GLTP: variants seen among roughly 807,000 people sequenced by gnomAD.
The protein encoded by GLTP is glycolipid transfer protein.
GLTP carries 22 observed loss-of-function variants against 24.0 expected under a neutral mutation model. That is an observed-to-expected ratio of 0.92 (90% CI 0.65 to 1.31). GLTP has a LOEUF of 1.31. GLTP is among the 50% of genes most tolerant of loss of function. GLTP has a pLI of 0.00. For synonymous variants in GLTP, 92 were observed against 115.9 expected, an observed-to-expected ratio of 0.79 and a Z score of 1.33; for missense variants, 224 against 276.6, an observed-to-expected ratio of 0.81 and a Z score of 1.35.
chr12:109,880,333 C>A lies in GLTP; in HGVS notation c.42G>T (p.Ala14=), dbSNP rs1330945618. ...AGGGCCCGGTCTCGATCTGCTTGTC[C>A]GCGGGCAGCGGCTTCAGCAAGTGTT... is the stretch of plus-strand genomic sequence containing the variant. The part of the protein sequence containing the change: ...LAEHLLKPLP[A]DKQIETGPFL... The change falls in exon 1 of 5, where the codon GCG becomes GCT. Residue 14 remains alanine, a synonymous_variant. Transcript: ENST00000318348. This position sits in a 1 kb window ranked among gnomAD's most constrained non-coding sequence, Gnocchi z 5.1. 6.3e-7 allele frequency: 1 copy of A among 1,595,320 alleles called. No individual in the cohort carries two copies. Among genetic ancestry groups the A allele is most frequent in the South Asian group, 1.1e-5 (1 of 90,190 alleles).
At chr12:109,875,277 G>C (rs1192287304) in intron 1 of GLTP, among the ~76,000 whole-genome samples, 1 of 152,154 alleles carries the variant, frequency 6.6e-6, no homozygotes, top group Non-Finnish European at 1.5e-5. Context: ...ACTCCTTAAG[G>C]ATAAGTAGAA....
intron 1 of GLTP, among the ~76,000 whole-genome samples, chr12:109,867,172 A>G (rs1418371134): frequency 6.6e-6 from 1 of 151,376 alleles, no homozygotes; most frequent in Non-Finnish European, 1.5e-5. Context: ...TTTTTGAGAC[A>G]GAGTCTCACT....
At chr12:109,870,193 C>T (rs1485847675) in intron 1 of GLTP, among the ~76,000 whole-genome samples, 1 of 152,122 alleles carries the variant, frequency 6.6e-6, no homozygotes, top group Non-Finnish European at 1.5e-5. Context: ...AGGCTGGGCA[C>T]CATGGCTCAG....
At chr12:109,863,522 G>A (rs1297827998) in intron 1 of GLTP, among the ~76,000 whole-genome samples, 1 of 152,196 alleles carries the variant, frequency 6.6e-6, no homozygotes, top group African/African-American at 2.4e-5. Context: ...TGGACTGTGG[G>A]AAACGTGGAA....
chr12:109,876,588 G>C (rs143831378), intron 1 of GLTP, among the ~76,000 whole-genome samples: 6,528 of 142,336 alleles, frequency 0.046, 204 homozygotes, highest in South Asian at 0.13. Flanking sequence ...AAGGAAGGGA[G>C]GAAGAGAGGA....
At chr12:109,879,754 C>T (rs1350187823) in intron 1 of GLTP, among the ~76,000 whole-genome samples, 1 of 151,882 alleles carries the variant, frequency 6.6e-6, no homozygotes, top group Non-Finnish European at 1.5e-5. Flanking sequence ...CTGGAATGGG[C>T]GAATTCTGAG....
At position 109,862,106 on chromosome 12, in the gene GLTP, C is replaced by G. The variant is rs964111437; in HGVS notation, c.104-3365G>C. ...ACGTCTGCAGAGGCAAATCTCCCAG[C>G]AAGGGGCCATGCTGGAGCCTTCCCT... On this transcript the variant is annotated intron_variant, in intron 1 of 4. Coordinates refer to ENST00000318348, the MANE Select transcript of GLTP (RefSeq NM_016433.4). Among the ~76,000 whole-genome samples, 3 of 152,328 alleles carry G rather than the reference C, an allele frequency of 2.0e-5. No individual in the cohort carries two copies. In the East Asian group the frequency reaches 5.8e-4, roughly 29 times the overall value.
rs1869033386 is a variant in GLTP at position 109,880,289 on chromosome 12, T to C, written c.86A>G (p.His29Arg). The C allele has an allele frequency of 6.2e-7, 1 of 1,601,756 alleles. No homozygotes were observed. Among genetic ancestry groups the C allele is most frequent in the Admixed American group, 1.7e-5 (1 of 59,662 alleles). The change falls in exon 1 of 5, where the codon CAC (histidine) becomes CGC (arginine). Residue 29 changes from histidine (H) to arginine (R), a missense_variant. By Grantham distance (29) the His-to-Arg change is conservative. Coordinates refer to ENST00000318348, the MANE Select transcript of GLTP (RefSeq NM_016433.4). This position sits in a 1 kb window ranked among gnomAD's most constrained non-coding sequence, Gnocchi z 5.1. ...CGGCTCACCGAAGAAGGGCGGCAGGTGGGACACCGCCTCGAGGAAGGGCCC... is the reference window on the plus strand; with the variant it reads ...CGGCTCACCGAAGAAGGGCGGCAGGCGGGACACCGCCTCGAGGAAGGGCCC... ...ETGPFLEAVS[H>R]LPPFFDCLGS...
At chr12:109,875,739 GC>G (rs1036531222) in intron 1 of GLTP, among the ~76,000 whole-genome samples, 31 of 152,330 alleles carry the variant, frequency 2.0e-4, no homozygotes, top group Admixed American at 5.2e-4. Flanking sequence ...GGAAGGGCAG[GC>G]CCAAGATATG....
intron 1 of GLTP, among the ~76,000 whole-genome samples, chr12:109,867,211 C>T (rs1307078116): frequency 6.6e-6 from 1 of 151,898 alleles, no homozygotes; most frequent in African/African-American, 2.4e-5. Context: ...TGCAGTGGAG[C>T]AATCTCGGCT....
chr12:109,861,440 CTTT>C (rs769712150), intron 1 of GLTP, among the ~76,000 whole-genome samples: 18 of 152,114 alleles, frequency 1.2e-4, no homozygotes, highest in Non-Finnish European at 2.4e-4. Context: ...TCATATGCTT[CTTT>C]AAGAAATTAA....
chr12:109,861,662 C>T lies in GLTP; in HGVS notation c.104-2921G>A, dbSNP rs538549444. 3.3e-4 allele frequency among the ~76,000 whole-genome samples: 50 copies of T among 152,054 alleles called. 1 individual carries two copies. The highest frequency in any genetic ancestry group is 6.9e-4 in the Non-Finnish European group (47 of 68,008). ...ACCCAGGAGGCTGAGACAGGAAAAT[C>T]GCCTGAACCTGGGAGGCAGAGGTTG... On this transcript the variant is annotated intron_variant, in intron 1 of 4. Coordinates refer to ENST00000318348, the MANE Select transcript of GLTP (RefSeq NM_016433.4).
rs1333058313 is a variant in GLTP, at chr12:109,851,563, C to A, written c.*992G>T. On this transcript the variant is annotated 3_prime_UTR_variant, in exon 5 of 5. Coordinates refer to ENST00000318348, the MANE Select transcript of GLTP (RefSeq NM_016433.4). ...AAACTCTTTATAGTCCTTAAAATAA[C>A]AATACAGCGAGAGCCTCATAAGGTC... The A allele has an allele frequency of 2.0e-5, 3 of 152,138 alleles. No individual in the cohort carries two copies. The highest frequency in any genetic ancestry group is 2.9e-5 in the Non-Finnish European group (2 of 68,026). The allele number at this position is 152,138 out of a possible 1,614,324, so 9.4% of individuals were successfully genotyped here.
In GLTP at chr12:109,857,744, C is replaced by T. The variant is rs1892818323; in HGVS notation, c.163-85G>A. Reference sequence around the variant, plus strand: ...GCACGCTGGGTGAAAAGCACCCTACCGGCATCTCCTGCTCCTTCCTGCCCT... The same window carrying T: ...GCACGCTGGGTGAAAAGCACCCTACTGGCATCTCCTGCTCCTTCCTGCCCT... On this transcript the variant is annotated intron_variant, in intron 2 of 4. Coordinates refer to ENST00000318348, the MANE Select transcript of GLTP (RefSeq NM_016433.4). The surrounding 1 kb of genome is among the most constrained non-coding windows in gnomAD (Gnocchi z 4.3). 2.0e-5 allele frequency: 27 copies of T among 1,353,238 alleles called. No homozygotes were observed. The highest frequency in any genetic ancestry group is 1.6e-4 in the South Asian group (14 of 85,508). The allele number at this position is 1,353,238 out of a possible 1,614,324, so 83.8% of individuals were successfully genotyped here.
At chr12:109,856,256 C>T (rs1247189195) in intron 3 of GLTP, among the ~76,000 whole-genome samples, 1 of 152,188 alleles carries the variant, frequency 6.6e-6, no homozygotes, top group Non-Finnish European at 1.5e-5. Flanking sequence ...AAGTCTGCTA[C>T]GGTGCTCCTC....
rs780211064 is a variant in GLTP at position 109,855,750 on chromosome 12, C to T, written c.316G>A (p.Val106Ile). 5 of 1,603,860 alleles carry T rather than the reference C, an allele frequency of 3.1e-6. No individual in the cohort carries two copies. The Admixed American group carries it at 8.5e-5, about 27-fold the overall frequency. The change falls in exon 4 of 5, where the codon GTC (valine) becomes ATC (isoleucine). Residue 106 changes from valine (V) to isoleucine (I), a missense_variant. Val to Ile is a conservative substitution (Grantham distance 29, BLOSUM62 3). Transcript: ENST00000318348. This position sits in a 1 kb window ranked among gnomAD's most constrained non-coding sequence, Gnocchi z 4.1. ...CCGTCGCAGATGCTCTGGAGGAAGA[C>T]CTGGATGAAGCGGAGGCCTCTGTGG... ...WLKRGLRFIQVFLQSICDGER... is the reference protein window; with the variant it reads ...WLKRGLRFIQIFLQSICDGER...
chr12:109,870,988 C>T (rs559859697), intron 1 of GLTP, among the ~76,000 whole-genome samples: 7 of 151,908 alleles, frequency 4.6e-5, no homozygotes, highest in Non-Finnish European at 1.0e-4. Flanking sequence ...ATATAAGTAC[C>T]ACTGTAAGTA....
Sources: gnomAD v4.1 joint callset for allele counts (sites outside exome capture counted in the v4.1 genomes callset) on GRCh38, gnomAD v4.1.1 for gene constraint, Gnocchi (gnomAD v3.1) non-coding constraint, MANE v1.5 for transcripts, NCBI Gene and HGNC (gene_info 2026-07-23, HGNC 2026-07-21) for gene names.